Variants in FER1L6 observed in about 807,000 individuals in gnomAD.
The protein encoded by FER1L6 is fer-1-like protein 6.
Under a neutral mutation model 219.2 loss-of-function variants are expected in FER1L6, and 177 were observed. That is an observed-to-expected ratio of 0.81 (90% CI 0.71 to 0.91). FER1L6 has a LOEUF of 0.91. Among genes scored for constraint, FER1L6 ranks in the 40% least tolerant of loss-of-function variants. FER1L6 has a pLI of 0.00. For missense variants in FER1L6, 2,153 were observed against 2,259.9 expected (o/e 0.95, Z 0.96); for synonymous variants, 768 against 824.3 (o/e 0.93, Z 1.17).
chr8:124,062,035 G>A lies in FER1L6; in HGVS notation c.3328+3G>A. 3 of 1,613,994 alleles carry A rather than the reference G, an allele frequency of 1.9e-6. No homozygotes were observed. The highest frequency in any genetic ancestry group is 2.5e-6 in the Non-Finnish European group (3 of 1,179,888). On this transcript the variant is annotated splice_donor_region_variant and intron_variant, in intron 25 of 40. Transcript: ENST00000522917. The stretch of plus-strand genomic sequence containing the variant: ...GGATGGAACCCAGCCTGGGCACGGT[G>A]AGAAGCTGCTCTTAGATTTTGTAGC...
intron 12 of FER1L6, among the ~76,000 whole-genome samples, chr8:123,994,449 G>A (rs1396722191): frequency 6.6e-6 from 1 of 152,154 alleles, no homozygotes; most frequent in Admixed American, 6.5e-5. Flanking sequence ...GAAGGAGTGG[G>A]GGGTAGCATG....
intron 1 of FER1L6, among the ~76,000 whole-genome samples, chr8:123,891,711 A>C (rs1291269429): frequency 2.6e-5 from 4 of 152,166 alleles, no homozygotes; most frequent in Non-Finnish European, 5.9e-5. Flanking sequence ...TTTGACTCCC[A>C]GGTATGAAAA....
At chr8:123,916,143 G>C (rs1248455040) in intron 1 of FER1L6, among the ~76,000 whole-genome samples, 1 of 152,144 alleles carries the variant, frequency 6.6e-6, no homozygotes, top group Non-Finnish European at 1.5e-5. Flanking sequence ...GATTTCCTCT[G>C]GTAGAAGTAA....
At chr8:124,039,450 CAGG>C (rs1248766595) in intron 19 of FER1L6, among the ~76,000 whole-genome samples, 10 of 152,096 alleles carry the variant, frequency 6.6e-5, no homozygotes, top group African/African-American at 1.7e-4. Context: ...CCTGTATAAA[CAGG>C]AGAATTACTG....
chr8:124,100,826 A>C (rs4504617), intron 37 of FER1L6, among the ~76,000 whole-genome samples: 145 of 123,448 alleles, frequency 1.2e-3, no homozygotes, highest in Non-Finnish European at 5.0e-4. Flanking sequence ...TGAATTTTCT[A>C]TCTTGATTGC....
chr8:123,886,473 C>T (rs997842649), intron 1 of FER1L6, among the ~76,000 whole-genome samples: 2 of 152,190 alleles, frequency 1.3e-5, no homozygotes, highest in African/African-American at 4.8e-5. Context: ...GACCTACTGA[C>T]ATGTCTTGAC....
intron 10 of FER1L6, among the ~76,000 whole-genome samples, chr8:123,979,466 C>A (rs903896097): frequency 6.6e-6 from 1 of 152,134 alleles, no homozygotes; most frequent in Non-Finnish European, 1.5e-5. Context: ...GGTCACACAG[C>A]TTGAACATGA....
intron 12 of FER1L6, among the ~76,000 whole-genome samples, chr8:123,993,123 G>T (rs1816940264): frequency 6.6e-6 from 1 of 152,162 alleles, no homozygotes. Context: ...GTCTATCTTG[G>T]AGAATGTTCC....
rs907771000 is a variant in FER1L6, at chr8:124,111,906, T to C, written c.5290-6938T>C. Among the ~76,000 whole-genome samples, 2 of 152,188 alleles carry C rather than the reference T, an allele frequency of 1.3e-5. No individual in the cohort carries two copies. Among genetic ancestry groups the C allele is most frequent in the Non-Finnish European group, 2.9e-5 (2 of 68,020 alleles). ...TGCAGCCCAGTAGGTCTCAGCTCCA[T>C]TGTACCCAGCTCCTATTCAAGATGG... On this transcript the variant is annotated intron_variant, in intron 39 of 40. Coordinates refer to ENST00000522917, the MANE Select transcript of FER1L6 (RefSeq NM_001039112.2). This position sits in a 1 kb window ranked among gnomAD's most constrained non-coding sequence, Gnocchi z 5.0.
intron 15 of FER1L6, chr8:124,014,177 T>C (rs916843920): frequency 1.3e-5 from 2 of 152,572 alleles, no homozygotes; most frequent in African/African-American, 4.8e-5. Flanking sequence ...AGCTTATATA[T>C]ATCCTTCTTC....
intron 18 of FER1L6, among the ~76,000 whole-genome samples, chr8:124,027,859 G>T (rs1382277636): frequency 6.6e-6 from 1 of 152,110 alleles, no homozygotes; most frequent in Non-Finnish European, 1.5e-5. Flanking sequence ...ATTGTGCCTG[G>T]CCTAAAATGG....
intron 18 of FER1L6, among the ~76,000 whole-genome samples, chr8:124,033,334 G>T (rs1819053189): frequency 6.6e-6 from 1 of 151,968 alleles, no homozygotes; most frequent in Non-Finnish European, 1.5e-5. Flanking sequence ...ATAATCTTAG[G>T]CTTTCAATAC....
rs1208752584 is a variant in FER1L6, at chr8:124,098,775, C to T, written c.4883+892C>T. ...TCTGGGAGAGTTCGGGTTGAGACTT[C>T]CAGAAGCTGACCTTCTGGAAAATGT... On this transcript the variant is annotated intron_variant, in intron 37 of 40. Coordinates refer to ENST00000522917, the MANE Select transcript of FER1L6 (RefSeq NM_001039112.2). 2.0e-5 allele frequency among the ~76,000 whole-genome samples: 3 copies of T among 152,260 alleles called. No individual in the cohort carries two copies. The East Asian group carries it at 5.8e-4, about 29-fold the overall frequency.
At chr8:123,960,264 A>G (rs1420481532) in intron 2 of FER1L6, among the ~76,000 whole-genome samples, 1 of 152,184 alleles carries the variant, frequency 6.6e-6, no homozygotes, top group Non-Finnish European at 1.5e-5. Flanking sequence ...CTCTCGGTTT[A>G]TTAGGAAGGC....
chr8:124,042,756 C>A (rs1435550233), intron 20 of FER1L6, among the ~76,000 whole-genome samples: 1 of 152,116 alleles, frequency 6.6e-6, no homozygotes, highest in Non-Finnish European at 1.5e-5. Context: ...CCACGCGGGG[C>A]TCAGGGAGAA....
At chr8:124,065,541 G>A in intron 26 of FER1L6, among the ~76,000 whole-genome samples, 1 of 152,116 alleles carries the variant, frequency 6.6e-6, no homozygotes, top group Non-Finnish European at 1.5e-5. Context: ...TCCATGGTCA[G>A]CGACCCTCTG....
chr8:123,923,174 G>A (rs961476025), intron 1 of FER1L6, among the ~76,000 whole-genome samples: 1 of 152,332 alleles, frequency 6.6e-6, no homozygotes, highest in Non-Finnish European at 1.5e-5. Flanking sequence ...GGGTTCCAAA[G>A]GTGGAGAGAA....
At chr8:124,013,268 C>G (rs1818026604) in intron 14 of FER1L6, among the ~76,000 whole-genome samples, 163 bp from the exon 15 acceptor site, 1 of 152,084 alleles carries the variant, frequency 6.6e-6, no homozygotes, top group Non-Finnish European at 1.5e-5. Context: ...AGTTAGAATG[C>G]AGTAGCATTT....
At chr8:123,986,745 C>G (rs1039279523) in intron 12 of FER1L6, among the ~76,000 whole-genome samples, 3 of 152,104 alleles carry the variant, frequency 2.0e-5, no homozygotes, top group Admixed American at 1.3e-4. Flanking sequence ...AGCTTCTCCA[C>G]CAGATAAGTG....
Sources: allele counts gnomAD v4.1 joint callset (sites outside exome capture counted in the v4.1 genomes callset), GRCh38; gene constraint gnomAD v4.1.1; non-coding constraint Gnocchi (gnomAD v3.1); transcripts MANE v1.5; gene names NCBI Gene and HGNC (gene_info 2026-07-23, HGNC 2026-07-21).